Variants in CCDC102B observed in about 807,000 individuals in gnomAD.
CCDC102B encodes the protein coiled-coil domain containing 102B, also known as coiled-coil domain-containing protein 102B.
Under a neutral mutation model 57.4 loss-of-function variants are expected in CCDC102B, and 75 were observed. The observed-to-expected ratio is 1.31, with a 90% CI of 1.08 to 1.58. The LOEUF is 1.58. CCDC102B is among the 40% of genes most tolerant of loss of function. The pLI is 0.00. For synonymous variants in CCDC102B, 206 were observed against 201.9 expected (o/e 1.02, Z -0.17); for missense variants, 636 against 582.6 (o/e 1.09, Z -0.94).
Position 69,054,213 on chromosome 18 carries a change from A to C in CCDC102B, c.*76A>C, listed in dbSNP as rs566069946. 17 of 1,436,858 alleles carry C rather than the reference A, an allele frequency of 1.2e-5. No homozygotes were observed. Among genetic ancestry groups the C allele is most frequent in the Non-Finnish European group, 1.5e-5 (17 of 1,099,358 alleles). The allele number at this position is 1,436,858 out of a possible 1,614,324, so 89.0% of individuals were successfully genotyped here. ...CATATCCTTTTCTTAAATATCAGTAAAATTGTTTTTATTAACTAGAAATAT... is the reference window on the plus strand; with the variant it reads ...CATATCCTTTTCTTAAATATCAGTACAATTGTTTTTATTAACTAGAAATAT... On this transcript the variant is annotated 3_prime_UTR_variant, in exon 8 of 8. Coordinates refer to ENST00000360242, the MANE Select transcript of CCDC102B (RefSeq NM_024781.3).
chr18:68,999,384 G>T (rs532636799), intron 6 of CCDC102B, among the ~76,000 whole-genome samples: 2 of 151,622 alleles, frequency 1.3e-5, no homozygotes, highest in South Asian at 4.2e-4. Context: ...ATCACTTGAG[G>T]CCAGGAGTTC....
At chr18:68,765,325 GA>G (rs1157952343) in intron 2 of CCDC102B, among the ~76,000 whole-genome samples, 475 of 42,434 alleles carry the variant, frequency 0.011, 1 homozygote, top group African/African-American at 0.03. Context: ...AGGAAGGAAG[GA>G]AAGAAAGAAA....
At chr18:68,890,359 C>T (rs2040030624) in intron 5 of CCDC102B, among the ~76,000 whole-genome samples, 1 of 152,132 alleles carries the variant, frequency 6.6e-6, no homozygotes, top group African/African-American at 2.4e-5. Flanking sequence ...TCTCAGCCTC[C>T]TGAGTAACTG....
chr18:68,926,490 T>C (rs1203279563), intron 6 of CCDC102B, among the ~76,000 whole-genome samples: 1 of 151,842 alleles, frequency 6.6e-6, no homozygotes, highest in East Asian at 1.9e-4. Flanking sequence ...TATAAAAAGG[T>C]ATTTTATAGG....
rs549153303 is a variant in CCDC102B, at chr18:68,972,289, T to C, written c.1264-38645T>C. 2.0e-5 allele frequency among the ~76,000 whole-genome samples: 3 copies of C among 152,324 alleles called. No homozygotes were observed. In the East Asian group the frequency reaches 5.8e-4, roughly 29 times the overall value. Reference sequence around the variant, plus strand: ...TGTTGTTAGCAGCAGGAATCAGGCATGTGCAGTCCCTGCCCTTTTTTTCCT... The same window carrying C: ...TGTTGTTAGCAGCAGGAATCAGGCACGTGCAGTCCCTGCCCTTTTTTTCCT... On this transcript the variant is annotated intron_variant, in intron 6 of 7. Coordinates refer to ENST00000360242, the MANE Select transcript of CCDC102B (RefSeq NM_024781.3).
rs767992664 is a variant in CCDC102B, at chr18:68,846,424, AT to A, written c.936+4del. On this transcript the variant is annotated splice_donor_region_variant and intron_variant, in intron 4 of 7. Transcript: ENST00000360242. ...CAAAGCCAAAAAATGTGAAAGAGGT[AT>A]GGGGGAATATGATGTAAAGGAAGAA... The A allele has an allele frequency of 2.0e-6, 3 of 1,519,172 alleles. No individual in the cohort carries two copies. Among genetic ancestry groups the A allele is most frequent in the East Asian group, 4.8e-5 (2 of 41,654 alleles). 94.1% of individuals were successfully genotyped at this position (1,519,172 alleles called of 1,614,324 possible).
chr18:68,771,359 C>A (rs796368198), intron 2 of CCDC102B, among the ~76,000 whole-genome samples: 6 of 152,280 alleles, frequency 3.9e-5, no homozygotes, highest in African/African-American at 1.4e-4. Flanking sequence ...GTAAGAGGGA[C>A]TGGTGATACC....
At position 68,886,050 on chromosome 18, in the gene CCDC102B, A is replaced by AAT. The variant is rs200812969; in HGVS notation, c.1054-11156_1054-11155dup. On this transcript the variant is annotated intron_variant, in intron 5 of 7. Transcript: ENST00000360242. ...TAGTATACTACATTGGTCACTTGTA[A>AAT]ATATATATATATATTTACAATGTTA... is the stretch of plus-strand genomic sequence containing the variant. Among the ~76,000 whole-genome samples the AAT allele has an allele frequency of 2.2e-3, 331 of 151,250 alleles. 2 individuals carry two copies. The highest frequency in any genetic ancestry group is 3.1e-3 in the Non-Finnish European group (212 of 67,690).
chr18:68,975,930 G>A (rs1369255929), intron 6 of CCDC102B, among the ~76,000 whole-genome samples: 1 of 151,466 alleles, frequency 6.6e-6, no homozygotes, highest in Non-Finnish European at 1.5e-5. Flanking sequence ...TACTCCTGGG[G>A]ATAATTAGCC....
intron 4 of CCDC102B, among the ~76,000 whole-genome samples, chr18:68,871,711 A>G (rs373911515): frequency 1.3e-5 from 2 of 152,286 alleles, no homozygotes; most frequent in East Asian, 1.9e-4. Context: ...CTGGAGTAGC[A>G]TAAGGACCAG....
In CCDC102B at chr18:68,836,904, T is replaced by C; in HGVS notation, c.141T>C (p.His47=). The part of the protein sequence containing the change: ...RDTCNTCFPL[H]GLQSHAAHNF... Reference sequence around the variant, plus strand: ...CCTGTAATACCTGCTTCCCACTTCATGGGCTACAATCTCATGCTGCTCACA... The same window carrying C: ...CCTGTAATACCTGCTTCCCACTTCACGGGCTACAATCTCATGCTGCTCACA... The change falls in exon 2 of 8, where the codon CAT becomes CAC. Residue 47 remains histidine, a synonymous_variant. Coordinates refer to ENST00000360242, the MANE Select transcript of CCDC102B (RefSeq NM_024781.3). 1 of 1,614,160 alleles carries C rather than the reference T, an allele frequency of 6.2e-7. No individual in the cohort carries two copies. The highest frequency in any genetic ancestry group is 8.5e-7 in the Non-Finnish European group (1 of 1,180,034).
chr18:69,002,425 T>C (rs2051227456), intron 6 of CCDC102B, among the ~76,000 whole-genome samples: 1 of 152,186 alleles, frequency 6.6e-6, no homozygotes, highest in Admixed American at 6.5e-5. Context: ...CACTAGGGGC[T>C]GTATAATCAT....
At chr18:68,927,460 T>C (rs892203471) in intron 6 of CCDC102B, among the ~76,000 whole-genome samples, 1 of 151,936 alleles carries the variant, frequency 6.6e-6, no homozygotes, top group Non-Finnish European at 1.5e-5. Flanking sequence ...CAATAGTTTT[T>C]ACCTCCCCTG....
intron 5 of CCDC102B, among the ~76,000 whole-genome samples, chr18:68,880,623 T>C (rs1226969805): frequency 2.0e-5 from 3 of 152,226 alleles, no homozygotes; most frequent in Non-Finnish European, 4.4e-5. Flanking sequence ...TCAGGGTGAA[T>C]TGGAGAAATT....
intron 1 of CCDC102B, among the ~76,000 whole-genome samples, chr18:68,810,671 C>CTTTGTTTGTTTTTTTTTTTTTTTTT (rs1568263108): frequency 1.4e-5 from 1 of 70,062 alleles, no homozygotes; most frequent in African/African-American, 4.6e-5. Context: ...ATTTTCTTTT[C>CTTTGTTTGTTTTTTTTTTTTTTTTT]TTTTCTTTGT....
chr18:68,848,319 A>G (rs2037968340), intron 4 of CCDC102B, among the ~76,000 whole-genome samples: 1 of 151,992 alleles, frequency 6.6e-6, no homozygotes, highest in South Asian at 2.1e-4. Context: ...CTTTGCATTT[A>G]TCGTAGCTCA....
intron 1 of CCDC102B, 59 bp downstream of exon 1, chr18:68,798,240 G>C (rs2035703838): frequency 6.6e-6 from 1 of 152,114 alleles, no homozygotes; most frequent in Non-Finnish European, 1.5e-5. Flanking sequence ...TCCTGCTGAG[G>C]TACAGCATGT....
At chr18:69,011,362 ATGTG>A (rs72492630) in intron 7 of CCDC102B, 249,252 of 348,206 alleles carry the variant, frequency 0.72, 80,137 homozygotes, top group Admixed American at 0.78. Flanking sequence ...GCACGTGCGC[ATGTG>A]TGTGTGTGTG....
At position 69,054,717 on chromosome 18, in the gene CCDC102B, G is replaced by C. The variant is rs972471206; in HGVS notation, c.*580G>C. 5.2e-5 allele frequency: 51 copies of C among 984,874 alleles called. No individual in the cohort carries two copies. The highest frequency in any genetic ancestry group is 1.1e-4 in the East Asian group (1 of 8,808). The allele number at this position is 984,874 out of a possible 1,614,324, so 61.0% of individuals were successfully genotyped here. On this transcript the variant is annotated 3_prime_UTR_variant, in exon 8 of 8. Coordinates refer to ENST00000360242, the MANE Select transcript of CCDC102B (RefSeq NM_024781.3). ...AGAAAAAAGTGTTTTGTATTTTAAA[G>C]TAACAGATAACCAGTGATTGAATCT...
Sources: allele counts gnomAD v4.1 joint callset (sites outside exome capture counted in the v4.1 genomes callset), GRCh38; gene constraint gnomAD v4.1.1; transcripts MANE v1.5; gene names NCBI Gene and HGNC (gene_info 2026-07-23, HGNC 2026-07-21).